The following TUBA1C variants were observed in gnomAD, a reference collection of about 807,000 sequenced individuals.
TUBA1C encodes tubulin alpha-1C chain.
In TUBA1C, 16 loss-of-function variants were observed where a neutral mutation model predicts 34.9. That is an observed-to-expected ratio of 0.46 (90% CI 0.31 to 0.70). The LOEUF is 0.70. Among genes scored for constraint, TUBA1C ranks in the 30% least tolerant of loss-of-function variants. The pLI is 0.05. For synonymous variants in TUBA1C, 177 were observed against 215.9 expected, an observed-to-expected ratio of 0.82 and a Z score of 1.58; for missense variants, 329 against 587.3, an observed-to-expected ratio of 0.56 and a Z score of 4.55.
At chr12:49,234,290 C>T (rs1942527021) in intron 1 of TUBA1C, among the ~76,000 whole-genome samples, 1 of 152,142 alleles carries the variant, frequency 6.6e-6, no homozygotes, top group Admixed American at 6.5e-5. Flanking sequence ...GAAAGCAGTC[C>T]CCTACCAGGT....
At chr12:49,243,217 G>T (rs1377048871) in intron 1 of TUBA1C, among the ~76,000 whole-genome samples, 1 of 152,120 alleles carries the variant, frequency 6.6e-6, no homozygotes, top group African/African-American at 2.4e-5. Flanking sequence ...AGGACAAGGT[G>T]GGCGGATCAC....
chr12:49,240,295 T>TG (rs902221267), intron 1 of TUBA1C, among the ~76,000 whole-genome samples: 2 of 134,050 alleles, frequency 1.5e-5, no homozygotes, highest in African/African-American at 5.8e-5. Context: ...GACCATTCTC[T>TG]GAAAAAAAAA....
intron 1 of TUBA1C, among the ~76,000 whole-genome samples, chr12:49,252,491 G>A (rs1443306828): frequency 2.0e-5 from 3 of 152,190 alleles, no homozygotes; most frequent in Non-Finnish European, 2.9e-5. Flanking sequence ...AGTGAATAAG[G>A]GTGAAAAGTC....
upstream of TUBA1C, among the ~76,000 whole-genome samples, chr12:49,263,424 T>G (rs117983103): frequency 2.1e-3 from 323 of 152,216 alleles, 1 homozygote; most frequent in Middle Eastern, 3.4e-3. Flanking sequence ...CCTAAGCATC[T>G]CGGATACTGT....
At chr12:49,230,962 GA>G (rs1196806024) in intron 1 of TUBA1C, among the ~76,000 whole-genome samples, 1 of 152,186 alleles carries the variant, frequency 6.6e-6, no homozygotes, top group African/African-American at 2.4e-5. Flanking sequence ...ATATAAATGA[GA>G]TAATGTATGA....
intron 1 of TUBA1C, among the ~76,000 whole-genome samples, chr12:49,249,422 C>T (rs961316088): frequency 3.3e-5 from 5 of 151,856 alleles, no homozygotes; most frequent in East Asian, 1.9e-4. Context: ...AGTGAAACTC[C>T]GTCTCTAAAT....
Position 49,273,274 on chromosome 12 carries a change from T to C in TUBA1C, c.*47T>C. On this transcript the variant is annotated 3_prime_UTR_variant, in exon 4 of 4. Coordinates refer to ENST00000301072, the MANE Select transcript of TUBA1C (RefSeq NM_032704.5). ...CTCCTTTGTCTTGGAACTGTCTTATTTTTGTTCTGTAAATGTCTATTGCCG... is the reference window on the plus strand; with the variant it reads ...CTCCTTTGTCTTGGAACTGTCTTATCTTTGTTCTGTAAATGTCTATTGCCG... The C allele has an allele frequency of 6.2e-7, 1 of 1,614,084 alleles. No individual in the cohort carries two copies. The highest frequency in any genetic ancestry group is 8.5e-7 in the Non-Finnish European group (1 of 1,179,996).
chr12:49,230,336 A>C (rs1301275480), intron 1 of TUBA1C, among the ~76,000 whole-genome samples: 2 of 152,146 alleles, frequency 1.3e-5, no homozygotes, highest in Non-Finnish European at 2.9e-5. Context: ...GAGTGTTACT[A>C]AAAACATAGG....
chr12:49,265,211 G>C (rs751737295), intron 1 of TUBA1C, 27 bp downstream of exon 1: 3 of 1,586,044 alleles, frequency 1.9e-6, no homozygotes, highest in Admixed American at 1.7e-5. Context: ...CGGGGCTGGG[G>C]AAGAGTGCGC....
intron 1 of TUBA1C, among the ~76,000 whole-genome samples, chr12:49,231,345 A>G (rs1942494859): frequency 6.6e-6 from 1 of 152,062 alleles, no homozygotes; most frequent in East Asian, 1.9e-4. Context: ...TAATTTTTAA[A>G]AAATTTTTGT....
intron 1 of TUBA1C, among the ~76,000 whole-genome samples, chr12:49,242,173 T>A (rs189420328): frequency 6.6e-6 from 1 of 151,842 alleles, no homozygotes; most frequent in East Asian, 2.0e-4. Flanking sequence ...GTATTTTTGG[T>A]AGAGATGGGG....
In TUBA1C at chr12:49,251,753, G is replaced by A. The variant is rs1346620555; in HGVS notation, c.214-17712G>A. On this transcript the variant is annotated intron_variant, in intron 1 of 3. Transcript: ENST00000541364. ...GGCACCACTGCAGTCCAGCTTGGGCGACAGAGCGAGACTCGGTATTTAAAA... is the reference window on the plus strand; with the variant it reads ...GGCACCACTGCAGTCCAGCTTGGGCAACAGAGCGAGACTCGGTATTTAAAA... 2.0e-5 allele frequency among the ~76,000 whole-genome samples: 3 copies of A among 149,284 alleles called. No homozygotes were observed. The East Asian group carries it at 5.8e-4, about 29-fold the overall frequency.
At chr12:49,242,783 T>C (rs1011096935) in intron 1 of TUBA1C, among the ~76,000 whole-genome samples, 1 of 152,188 alleles carries the variant, frequency 6.6e-6, no homozygotes, top group African/African-American at 2.4e-5. Context: ...CTACCGCGCC[T>C]GGCTCATCTG....
At chr12:49,234,735 C>A (rs187239848) in intron 1 of TUBA1C, among the ~76,000 whole-genome samples, 5 of 152,372 alleles carry the variant, frequency 3.3e-5, no homozygotes, top group African/African-American at 1.2e-4. Context: ...TATCGCTGTC[C>A]GCGAAAGTTT....
upstream of TUBA1C, among the ~76,000 whole-genome samples, chr12:49,262,399 TA>T (rs55985243): frequency 3.7e-3 from 154 of 42,070 alleles, no homozygotes; most frequent in East Asian, 0.014. Context: ...AGACCCTGTG[TA>T]AAAAAAAAAA....
chr12:49,269,903 A>G lies in TUBA1C; in HGVS notation c.302A>G (p.Asn101Ser). The change falls in exon 3 of 4, where the codon AAT (asparagine) becomes AGT (serine). Residue 101 changes from asparagine (N) to serine (S), a missense_variant. Asn to Ser is a conservative substitution (Grantham distance 46). Around this residue, in one of 4 missense-constraint regions of TUBA1C, gnomAD observed 152 missense variants for 240.3 expected, o/e 0.63. Coordinates refer to ENST00000301072, the MANE Select transcript of TUBA1C (RefSeq NM_032704.5). ...ATCACAGGCAAGGAAGATGCTGCCA[A>G]TAACTATGCCCGAGGGCACTACACC... Reference protein sequence around the residue: ...QLITGKEDAANNYARGHYTIG... With the variant: ...QLITGKEDAASNYARGHYTIG... 1.9e-6 allele frequency: 3 copies of G among 1,614,196 alleles called. No homozygotes were observed. The highest frequency in any genetic ancestry group is 1.3e-5 in the African/African-American group (1 of 75,058).
In TUBA1C at chr12:49,272,842, A is replaced by G; in HGVS notation, c.965A>G (p.Asp322Gly). ...GCTTGCTGCCTGTTATACCGTGGTGACGTGGTTCCCAAAGATGTCAATGCT... is the reference window on the plus strand; with the variant it reads ...GCTTGCTGCCTGTTATACCGTGGTGGCGTGGTTCCCAAAGATGTCAATGCT... The part of the protein sequence containing the change: ...YMACCLLYRG[D>G]VVPKDVNAAI... Residue 322 changes from aspartate to glycine, a missense_variant, in exon 4 of 4, where the codon GAC becomes GGC. Transcript: ENST00000301072. The G allele has an allele frequency of 6.2e-7, 1 of 1,614,128 alleles. No homozygotes were observed. Among genetic ancestry groups the G allele is most frequent in the Non-Finnish European group, 8.5e-7 (1 of 1,180,006 alleles).
chr12:49,237,912 T>C (rs10875938), intron 1 of TUBA1C, among the ~76,000 whole-genome samples: 65,435 of 151,518 alleles, frequency 0.43, 15,637 homozygotes, highest in East Asian at 0.84. Flanking sequence ...AGTTTGAGAC[T>C]AGCCTGGCCA....
chr12:49,246,862 G>A (rs2097604962), intron 1 of TUBA1C, among the ~76,000 whole-genome samples: 3 of 152,082 alleles, frequency 2.0e-5, no homozygotes, highest in Admixed American at 2.0e-4. Context: ...AGTAAAACAA[G>A]GCCGGGCACA....
Sources: allele counts gnomAD v4.1 joint callset (sites outside exome capture counted in the v4.1 genomes callset), GRCh38; gene constraint gnomAD v4.1.1; regional missense constraint gnomAD v4.1.1; transcripts MANE v1.5; gene names NCBI Gene and HGNC (gene_info 2026-07-23, HGNC 2026-07-21).